Variants in AMOTL1 observed in about 807,000 individuals in gnomAD.
The protein encoded by AMOTL1 is angiomotin like 1.
In AMOTL1, 45 loss-of-function variants were observed where a neutral mutation model predicts 102.9. The observed-to-expected ratio is 0.44, with a 90% confidence interval of 0.34 to 0.56. AMOTL1 has a LOEUF of 0.56. Ranked by LOEUF, AMOTL1 falls within the 20% of genes least tolerant of loss-of-function variation. The probability of loss-of-function intolerance (pLI) is 0.01; values close to 1 mark genes in which losing one functional copy is unlikely to be tolerated. For synonymous variants in AMOTL1, 481 were observed against 484.7 expected, an observed-to-expected ratio of 0.99 and a Z score of 0.10; for missense variants, 1,114 against 1,225.6, an observed-to-expected ratio of 0.91 and a Z score of 1.36.
At chr11:94,732,141 G>T (rs1950364295) in intron 2 of AMOTL1, among the ~76,000 whole-genome samples, 1 of 152,138 alleles carries the variant, frequency 6.6e-6, no homozygotes, top group Admixed American at 6.5e-5. Flanking sequence ...GCTCAATATG[G>T]GCTGGTGGGG....
rs1332001450 is a variant in AMOTL1, at chr11:94,875,588, T to C, written c.*4793T>C. On this transcript the variant is annotated 3_prime_UTR_variant, in exon 13 of 13. Transcript: ENST00000433060. ...CTAGAATGGCCTTCAGGGCTTGGCA[T>C]GTTCCTTTGGTTTACCCTTAGAGAT... 6.6e-6 allele frequency: 1 copy of C among 152,090 alleles called. No homozygotes were observed. The highest frequency in any genetic ancestry group is 1.9e-4 in the East Asian group (1 of 5,198). 9.4% of individuals were successfully genotyped at this position (152,090 alleles called of 1,614,324 possible). A position where few individuals can be genotyped will look rare whatever the true frequency, so the allele number is the denominator to read the frequency against.
At chr11:94,855,735 A>C (rs1277806511) in intron 8 of AMOTL1, among the ~76,000 whole-genome samples, 1 of 152,206 alleles carries the variant, frequency 6.6e-6, no homozygotes, top group African/African-American at 2.4e-5. Context: ...AATTATTTGA[A>C]AAATATCTTA....
At chr11:94,850,013 A>T in intron 6 of AMOTL1, 101 bp from the exon 7 acceptor site, 1 of 1,339,156 alleles carries the variant, frequency 7.5e-7, no homozygotes, top group Admixed American at 2.6e-5. Flanking sequence ...CATTATTTGC[A>T]TGCTTTTTTA....
chr11:94,739,649 C>T (rs1294398510), intron 2 of AMOTL1, among the ~76,000 whole-genome samples: 1 of 152,156 alleles, frequency 6.6e-6, no homozygotes, highest in Non-Finnish European at 1.5e-5. Flanking sequence ...ACTGTTGACC[C>T]TCCAATAGTC....
intron 1 of AMOTL1, among the ~76,000 whole-genome samples, chr11:94,774,253 G>A (rs751254374): frequency 4.5e-4 from 68 of 152,196 alleles, no homozygotes; most frequent in Non-Finnish European, 8.4e-4. Context: ...CTTAGTGAAT[G>A]AGATAGAAGC....
rs184482505 is a variant in AMOTL1, at chr11:94,723,554, C to T, written c.-50-5367C>T. Among the ~76,000 whole-genome samples the T allele has an allele frequency of 2.7e-3, 414 of 152,242 alleles. 3 individuals carry two copies. The highest frequency in any genetic ancestry group is 4.5e-3 in the Non-Finnish European group (306 of 67,994). ...ACATCAATAAATTCCCCAGCAGCTT[C>T]ACAAATACTCTGCCCAGTTGGATAA... On this transcript the variant is annotated intron_variant, in intron 1 of 4. Transcript: ENST00000299004.
chr11:94,866,724 T>C (rs917321691), intron 11 of AMOTL1: 5 of 160,452 alleles, frequency 3.1e-5, no homozygotes, highest in African/African-American at 1.3e-4. Context: ...AAGAATGGGA[T>C]AATGGGGGGA....
chr11:94,733,625 C>T (rs1251764920), intron 2 of AMOTL1, among the ~76,000 whole-genome samples: 2 of 152,242 alleles, frequency 1.3e-5, no homozygotes, highest in Non-Finnish European at 2.9e-5. Context: ...GCCTTAGATG[C>T]TGGGTTGGAA....
chr11:94,840,681 T>TACACACACACAC (rs111907230), intron 6 of AMOTL1, among the ~76,000 whole-genome samples: 9 of 104,792 alleles, frequency 8.6e-5, no homozygotes, highest in African/African-American at 3.2e-4. Context: ...TATATATATA[T>TACACACACACAC]ACACACACAC....
At chr11:94,748,124 G>A (rs1950610818) in intron 3 of AMOTL1, among the ~76,000 whole-genome samples, 3 of 152,190 alleles carry the variant, frequency 2.0e-5, no homozygotes, top group Admixed American at 1.3e-4. Flanking sequence ...TTAGGATATA[G>A]GTTGGGCTGC....
intron 1 of AMOTL1, among the ~76,000 whole-genome samples, chr11:94,719,455 A>G (rs1950143455): frequency 6.6e-6 from 1 of 152,092 alleles, no homozygotes; most frequent in Admixed American, 6.6e-5. Context: ...TATACATAGT[A>G]TACAATGTAT....
At chr11:94,773,768 T>C (rs1340980336) in intron 1 of AMOTL1, among the ~76,000 whole-genome samples, 1 of 152,244 alleles carries the variant, frequency 6.6e-6, no homozygotes, top group Non-Finnish European at 1.5e-5. Context: ...TTGAGGACCT[T>C]TTTGAACAGT....
At chr11:94,714,618 G>A (rs1031870263) in intron 1 of AMOTL1, among the ~76,000 whole-genome samples, 1 of 151,912 alleles carries the variant, frequency 6.6e-6, no homozygotes, top group African/African-American at 2.4e-5. Context: ...TGTGATTTTT[G>A]GGAATTAGTC....
chr11:94,844,452 C>G (rs1182870417), intron 6 of AMOTL1, among the ~76,000 whole-genome samples: 2 of 152,198 alleles, frequency 1.3e-5, no homozygotes, highest in East Asian at 3.9e-4. Context: ...TTTTCTGCTG[C>G]TGTAACAGAA....
chr11:94,802,743 G>T (rs894509996), intron 3 of AMOTL1, among the ~76,000 whole-genome samples: 3 of 152,216 alleles, frequency 2.0e-5, no homozygotes, highest in Non-Finnish European at 1.5e-5. Context: ...AGCCAGCATG[G>T]CTCCAGTGGT....
At chr11:94,814,562 A>C (rs1480207411) in intron 3 of AMOTL1, among the ~76,000 whole-genome samples, 1 of 152,204 alleles carries the variant, frequency 6.6e-6, no homozygotes, top group Non-Finnish European at 1.5e-5. Context: ...ACAGAAAATC[A>C]TACCAGTGCT....
intron 8 of AMOTL1, among the ~76,000 whole-genome samples, chr11:94,858,563 A>G (rs1475348676): frequency 6.6e-6 from 1 of 152,160 alleles, no homozygotes; most frequent in African/African-American, 2.4e-5. Flanking sequence ...CCTTGCACCC[A>G]GCTCTGCATT....
At chr11:94,723,618 T>G (rs537206670) in intron 1 of AMOTL1, among the ~76,000 whole-genome samples, 1 of 152,218 alleles carries the variant, frequency 6.6e-6, no homozygotes, top group Non-Finnish European at 1.5e-5. Context: ...ACTCAAACTC[T>G]TCAATTCTAC....
rs557497709 is a variant in AMOTL1 at position 94,813,680 on chromosome 11, C to T, written c.1122-7850C>T. Among the ~76,000 whole-genome samples the T allele has an allele frequency of 5.9e-5, 9 of 152,240 alleles. No homozygotes were observed. In the East Asian group the frequency reaches 7.7e-4, roughly 13 times the overall value. ...CTGAAGTGCGTGTGAATATACATGT[C>T]GTCCCATGTGTACAAGGAAGTCCAA... On this transcript the variant is annotated intron_variant, in intron 3 of 12. Coordinates refer to ENST00000433060, the MANE Select transcript of AMOTL1 (RefSeq NM_130847.3).
Sources: gnomAD v4.1 joint callset for allele counts (sites outside exome capture counted in the v4.1 genomes callset) on GRCh38, gnomAD v4.1.1 for gene constraint, MANE v1.5 for transcripts, NCBI Gene and HGNC (gene_info 2026-07-23, HGNC 2026-07-21) for gene names.